SPIDR: variants seen among roughly 807,000 people sequenced by gnomAD.
SPIDR encodes the protein scaffold protein involved in DNA repair, also known as DNA repair-scaffolding protein.
A neutral mutation model predicts 104.6 loss-of-function variants in SPIDR; 93 were observed. The observed-to-expected ratio is 0.89, with a 90% CI of 0.75 to 1.06. The LOEUF (loss-of-function observed/expected upper bound fraction) is 1.06. Ranked by LOEUF, SPIDR falls within the 50% of genes least tolerant of loss-of-function variation. The pLI is 0.00. For synonymous variants in SPIDR, 431 were observed against 416.9 expected (o/e 1.03, Z -0.41); for missense variants, 1,154 against 1,111.2 (o/e 1.04, Z -0.55).
chr8:47,331,965 CTTTTTTTTTT>C (rs1183447584), intron 5 of SPIDR, among the ~76,000 whole-genome samples: 7 of 32,702 alleles, frequency 2.1e-4, no homozygotes, highest in Non-Finnish European at 4.7e-4. Context: ...TTTTTTTAAA[CTTTTTTTTTT>C]TTTTTTTTTT....
In SPIDR at chr8:47,534,739, T is replaced by A. The variant is rs1429732943; in HGVS notation, c.1098-61072T>A. ...ACAAAAAACCCCCATGACCCATGTT[T>A]ACCTATGTAACAAACCTTCACATGT... On this transcript the variant is annotated intron_variant, in intron 8 of 19. Coordinates refer to ENST00000297423, the MANE Select transcript of SPIDR (RefSeq NM_001080394.4). 2.6e-5 allele frequency among the ~76,000 whole-genome samples: 4 copies of A among 152,134 alleles called. No individual in the cohort carries two copies. The East Asian group carries it at 5.8e-4, about 22-fold the overall frequency.
chr8:47,265,188 CTTTTTTT>C (rs397892978), intron 1 of SPIDR, among the ~76,000 whole-genome samples: 1 of 108,996 alleles, frequency 9.2e-6, no homozygotes, highest in Non-Finnish European at 1.8e-5. Context: ...TCTCAGTTGT[CTTTTTTT>C]TTTTTTTTTT....
intron 5 of SPIDR, among the ~76,000 whole-genome samples, chr8:47,345,669 G>A (rs1348025623): frequency 6.6e-6 from 1 of 152,150 alleles, no homozygotes; most frequent in African/African-American, 2.4e-5. Flanking sequence ...TCCTTGAAGA[G>A]GTCCTTCAAA....
intron 8 of SPIDR, among the ~76,000 whole-genome samples, chr8:47,441,089 T>C (rs2069329964): frequency 6.6e-6 from 1 of 152,216 alleles, no homozygotes; most frequent in South Asian, 2.1e-4. Context: ...AGGAAAAGTT[T>C]GAGCAGCCTT....
At chr8:47,450,857 C>T (rs1389726070) in intron 8 of SPIDR, among the ~76,000 whole-genome samples, 1 of 152,178 alleles carries the variant, frequency 6.6e-6, no homozygotes, top group Non-Finnish European at 1.5e-5. Flanking sequence ...TGAACACTTA[C>T]AGCAAATATT....
intron 7 of SPIDR, among the ~76,000 whole-genome samples, chr8:47,435,540 C>A (rs2068140976): frequency 6.6e-6 from 1 of 152,076 alleles, no homozygotes; most frequent in African/African-American, 2.4e-5. Context: ...CTTGGTGTAT[C>A]TTCTTCATTG....
intron 7 of SPIDR, among the ~76,000 whole-genome samples, chr8:47,422,279 T>C (rs2065636303): frequency 6.6e-6 from 1 of 152,132 alleles, no homozygotes; most frequent in South Asian, 2.1e-4. Flanking sequence ...TCCTGGCTGC[T>C]TTGTTTACCT....
intron 5 of SPIDR, among the ~76,000 whole-genome samples, chr8:47,370,873 C>T (rs1399839892): frequency 6.6e-6 from 1 of 152,058 alleles, no homozygotes; most frequent in Non-Finnish European, 1.5e-5. Context: ...CCACAGTTCC[C>T]TGTAGCCCCT....
At chr8:47,627,318 A>G (rs2066329512) in intron 10 of SPIDR, among the ~76,000 whole-genome samples, 1 of 152,150 alleles carries the variant, frequency 6.6e-6, no homozygotes, top group South Asian at 2.1e-4. Context: ...CAGCACAGCA[A>G]CATGGCACAT....
At chr8:47,425,817 G>A (rs985368661) in intron 7 of SPIDR, among the ~76,000 whole-genome samples, 1 of 152,066 alleles carries the variant, frequency 6.6e-6, no homozygotes, top group Non-Finnish European at 1.5e-5. Flanking sequence ...TGGTTTAGGA[G>A]TACCTTTGTC....
At chr8:47,710,778 T>A (rs1489100049) in intron 14 of SPIDR, among the ~76,000 whole-genome samples, 1 of 151,780 alleles carries the variant, frequency 6.6e-6, no homozygotes, top group Non-Finnish European at 1.5e-5. Context: ...CACTAATTTT[T>A]TTAATTTTTT....
At chr8:47,560,352 A>C (rs1041806668) in intron 8 of SPIDR, among the ~76,000 whole-genome samples, 1 of 152,202 alleles carries the variant, frequency 6.6e-6, no homozygotes, top group African/African-American at 2.4e-5. Context: ...TGGAATCCCC[A>C]AACTAGTCCC....
chr8:47,435,810 G>T (rs974069084), intron 7 of SPIDR, among the ~76,000 whole-genome samples: 1 of 152,206 alleles, frequency 6.6e-6, no homozygotes, highest in South Asian at 2.1e-4. Context: ...ATGAAGTAGG[G>T]GGGAAACACC....
At chr8:47,313,675 A>G (rs1199610524) in intron 5 of SPIDR, among the ~76,000 whole-genome samples, 2 of 152,236 alleles carry the variant, frequency 1.3e-5, no homozygotes, top group Non-Finnish European at 2.9e-5. Flanking sequence ...CTACAAGGCT[A>G]CAGTAACCAA....
chr8:47,606,075 A>G (rs1033482408), intron 10 of SPIDR, among the ~76,000 whole-genome samples: 1 of 152,202 alleles, frequency 6.6e-6, no homozygotes, highest in Non-Finnish European at 1.5e-5. Context: ...GTAAATTTGT[A>G]TGTGAAGTGT....
At chr8:47,579,307 A>G (rs2059464499) in intron 8 of SPIDR, among the ~76,000 whole-genome samples, 1 of 152,214 alleles carries the variant, frequency 6.6e-6, no homozygotes, top group African/African-American at 2.4e-5. Context: ...AAATCCAGTC[A>G]GTCAAAAAGA....
chr8:47,563,095 A>G (rs923870232), intron 8 of SPIDR, among the ~76,000 whole-genome samples: 1 of 147,394 alleles, frequency 6.8e-6, no homozygotes, highest in East Asian at 2.0e-4. Context: ...ATCAAGGACT[A>G]CTACATGTTT....
At chr8:47,566,252 C>T (rs925949596) in intron 8 of SPIDR, among the ~76,000 whole-genome samples, 7 of 151,552 alleles carry the variant, frequency 4.6e-5, no homozygotes, top group South Asian at 2.1e-4. Context: ...GTGATCTGCC[C>T]GCCTCAGCCT....
chr8:47,661,852 T>C (rs948060783), intron 10 of SPIDR, among the ~76,000 whole-genome samples: 1 of 152,256 alleles, frequency 6.6e-6, no homozygotes, highest in Non-Finnish European at 1.5e-5. Context: ...GCCTTGTCGA[T>C]AGTGGCAGAG....
Sources: allele counts gnomAD v4.1 joint callset (sites outside exome capture counted in the v4.1 genomes callset), GRCh38; gene constraint gnomAD v4.1.1; transcripts MANE v1.5; gene names NCBI Gene and HGNC (gene_info 2026-07-23, HGNC 2026-07-21).